The following CD247 variants were observed in gnomAD, a reference collection of about 807,000 sequenced individuals.
CD247 encodes the protein CD247 molecule.
A neutral mutation model predicts 30.0 loss-of-function variants in CD247; 13 were observed. The ratio of observed to expected loss-of-function variants is 0.43; its 90% CI spans 0.28 to 0.69. The LOEUF (loss-of-function observed/expected upper bound fraction) is 0.69, where lower values mean the gene tolerates loss of function less well. CD247 is among the 30% of genes least tolerant of loss of function. CD247 has a pLI of 0.16. For synonymous variants in CD247, 72 were observed against 80.0 expected (o/e 0.90, Z 0.53); for missense variants, 193 against 212.6 (o/e 0.91, Z 0.57).
chr1:167,434,955 GCCC>G, intron 5 of CD247: 1 of 414,486 alleles, frequency 2.4e-6, no homozygotes, highest in African/African-American at 2.4e-5. Flanking sequence ...CCCTCCTCCA[GCCC>G]TTCCTCCGGA....
Position 167,494,538 on chromosome 1 carries a change from G to A in CD247, c.58+23870C>T, listed in dbSNP as rs953277315. 3.9e-5 allele frequency among the ~76,000 whole-genome samples: 6 copies of A among 152,232 alleles called. No homozygotes were observed. The highest frequency in any genetic ancestry group is 2.6e-4 in the Admixed American group (4 of 15,288). On this transcript the variant is annotated intron_variant, in intron 1 of 7. Coordinates refer to ENST00000362089, the MANE Select transcript of CD247 (RefSeq NM_198053.3). This position sits in a 1 kb window ranked among gnomAD's most constrained non-coding sequence, Gnocchi z 7.3. ...TGTCGACCTCATGGGGCTGCTGTGA[G>A]GGTCAGATGAGAAAATGGGTGGGGA...
At chr1:167,499,023 C>G (rs1654803295) in intron 1 of CD247, among the ~76,000 whole-genome samples, 1 of 152,218 alleles carries the variant, frequency 6.6e-6, no homozygotes, top group Non-Finnish European at 1.5e-5. Flanking sequence ...GTCTTCTGGT[C>G]AACCTAATGA....
chr1:167,445,905 T>A (rs1248126578), intron 1 of CD247, among the ~76,000 whole-genome samples: 1 of 152,226 alleles, frequency 6.6e-6, no homozygotes, highest in Admixed American at 6.5e-5. Flanking sequence ...ATTTGAACTC[T>A]AATTTCTACT....
chr1:167,455,100 G>A (rs1463948238), intron 1 of CD247, among the ~76,000 whole-genome samples: 1 of 152,244 alleles, frequency 6.6e-6, no homozygotes, highest in African/African-American at 2.4e-5. Flanking sequence ...AAGGCACAGG[G>A]GGACGCCCCG....
chr1:167,495,037 GTGGCC>G (rs1040163749), intron 1 of CD247, among the ~76,000 whole-genome samples: 4 of 152,242 alleles, frequency 2.6e-5, no homozygotes, highest in African/African-American at 7.2e-5. Flanking sequence ...GGGAGGGCTG[GTGGCC>G]CAGGTGGCTG....
intron 1 of CD247, among the ~76,000 whole-genome samples, chr1:167,501,532 C>T (rs1327233471): frequency 2.0e-5 from 3 of 152,248 alleles, no homozygotes; most frequent in Non-Finnish European, 4.4e-5. Context: ...TTTTCCCTTG[C>T]AATTCAGGGC....
intron 1 of CD247, among the ~76,000 whole-genome samples, chr1:167,476,635 C>A (rs1001931517): frequency 3.9e-5 from 6 of 152,248 alleles, no homozygotes; most frequent in Admixed American, 2.0e-4. Context: ...CCAGCCTGTG[C>A]AACATAGTGA....
At chr1:167,440,349 C>A (rs1362358235) in intron 2 of CD247, 8 of 419,952 alleles carry the variant, frequency 1.9e-5, no homozygotes, top group Non-Finnish European at 3.1e-5. Context: ...AAAGAAGGAC[C>A]TCTGCCTGAG....
intron 1 of CD247, among the ~76,000 whole-genome samples, chr1:167,454,132 G>GTAAA (rs1450209024): frequency 6.6e-6 from 1 of 152,110 alleles, no homozygotes; most frequent in Non-Finnish European, 1.5e-5. Flanking sequence ...GTACAATAAT[G>GTAAA]TAAATGTACT....
chr1:167,443,728 C>T (rs1651944270), intron 1 of CD247, among the ~76,000 whole-genome samples: 1 of 152,108 alleles, frequency 6.6e-6, no homozygotes. Flanking sequence ...TCCTTTCTTC[C>T]TTCCCTCCTT....
At chr1:167,440,946 G>A (rs1044304552) in intron 1 of CD247, among the ~76,000 whole-genome samples, 179 bp from the exon 2 acceptor site, 1 of 152,156 alleles carries the variant, frequency 6.6e-6, no homozygotes, top group Non-Finnish European at 1.5e-5. Context: ...ACCAGCTCCT[G>A]GAAAACCTAT....
At chr1:167,463,113 T>C (rs558317803) in intron 1 of CD247, among the ~76,000 whole-genome samples, 1 of 152,312 alleles carries the variant, frequency 6.6e-6, no homozygotes, top group South Asian at 2.1e-4. Flanking sequence ...CTGGGTTCTG[T>C]TTGTGGCTTT....
chr1:167,518,523 G>A lies in CD247; in HGVS notation c.-58C>T, dbSNP rs1655719096. ...CAGAGGCTGAGGCAGCGGTGGCCGG[G>A]ACGGTTAGGAGAAAAGGAGTCTCTG... On this transcript the variant is annotated 5_prime_UTR_variant, in exon 1 of 8. Transcript: ENST00000362089. The A allele has an allele frequency of 6.8e-7, 1 of 1,480,474 alleles. No individual in the cohort carries two copies. The allele number at this position is 1,480,474 out of a possible 1,614,324, so 91.7% of individuals were successfully genotyped here.
chr1:167,435,984 G>A (rs1482478285), intron 4 of CD247, among the ~76,000 whole-genome samples: 1 of 152,210 alleles, frequency 6.6e-6, no homozygotes, highest in Non-Finnish European at 1.5e-5. Context: ...GGGCTGGATG[G>A]ACAGGCGTGA....
At chr1:167,492,315 T>C (rs1317006820) in intron 1 of CD247, among the ~76,000 whole-genome samples, 1 of 152,138 alleles carries the variant, frequency 6.6e-6, no homozygotes, top group Non-Finnish European at 1.5e-5. Flanking sequence ...GGGGTGCTGT[T>C]AGCCTGTTTC....
In CD247 at chr1:167,430,774, A is replaced by G. The variant is rs1363256642; in HGVS notation, c.*907T>C. 7 of 398,588 alleles carry G rather than the reference A, an allele frequency of 1.8e-5. No individual in the cohort carries two copies. The highest frequency in any genetic ancestry group is 3.1e-5 in the Non-Finnish European group (7 of 226,098). 24.7% of individuals were successfully genotyped at this position (398,588 alleles called of 1,614,324 possible). A position where few individuals can be genotyped will look rare whatever the true frequency, so the allele number is the denominator to read the frequency against. On this transcript the variant is annotated 3_prime_UTR_variant, in exon 8 of 8. Transcript: ENST00000362089. ...CTGTGCCCTGTAATGACGCAGCAGT[A>G]TCCTAGTACATTGACGGGTTTTTCC...
At chr1:167,485,073 C>G (rs375846966) in intron 1 of CD247, among the ~76,000 whole-genome samples, 9 of 152,220 alleles carry the variant, frequency 5.9e-5, no homozygotes, top group African/African-American at 2.2e-4. Flanking sequence ...TCCTTCAGCA[C>G]CCCCTTGTGA....
rs186297204 is a variant in CD247 at position 167,511,756 on chromosome 1, T to C, written c.58+6652A>G. Among the ~76,000 whole-genome samples, 13 of 152,258 alleles carry C rather than the reference T, an allele frequency of 8.5e-5. No homozygotes were observed. In the East Asian group the frequency reaches 2.5e-3, roughly 29 times the overall value. ...CGGACCTGGGCGAGCGGCTGCACAC[T>C]GTTCAAGGTGCAGACCCTGTACGAG... is the stretch of plus-strand genomic sequence containing the variant. On this transcript the variant is annotated intron_variant, in intron 1 of 7. Coordinates refer to ENST00000362089, the MANE Select transcript of CD247 (RefSeq NM_198053.3).
At chr1:167,488,784 G>C (rs1654317893) in intron 1 of CD247, among the ~76,000 whole-genome samples, 1 of 152,182 alleles carries the variant, frequency 6.6e-6, no homozygotes, top group Non-Finnish European at 1.5e-5. Context: ...CTCTGATGGA[G>C]CCCAACAAGT....
Sources: gnomAD v4.1 joint callset for allele counts (sites outside exome capture counted in the v4.1 genomes callset) on GRCh38, gnomAD v4.1.1 for gene constraint, Gnocchi (gnomAD v3.1) non-coding constraint, MANE v1.5 for transcripts, NCBI Gene and HGNC (gene_info 2026-07-23, HGNC 2026-07-21) for gene names.